HYDIN: variants seen among roughly 807,000 people sequenced by gnomAD.
The protein encoded by HYDIN is axonemal central pair apparatus protein HYDIN.
In HYDIN, 132 loss-of-function variants were observed where a neutral mutation model predicts 403.9. The observed-to-expected ratio is 0.33, with a 90% CI of 0.28 to 0.38. HYDIN has a LOEUF of 0.38. Among genes scored for constraint, HYDIN ranks in the 10% least tolerant of loss-of-function variants. HYDIN has a pLI of 1.00. For synonymous variants in HYDIN, 1,202 were observed against 1,891.7 expected, an observed-to-expected ratio of 0.64 and a Z score of 9.46; for missense variants, 2,827 against 5,009.5, an observed-to-expected ratio of 0.56 and a Z score of 13.15.
chr16:70,901,127 G>A lies in HYDIN; in HGVS notation c.8925C>T (p.His2975=). 1.1e-6 allele frequency: 1 copy of A among 890,214 alleles called. No individual in the cohort carries two copies. Among genetic ancestry groups the A allele is most frequent in the Non-Finnish European group, 1.8e-6 (1 of 556,440 alleles). 55.1% of individuals were successfully genotyped at this position (890,214 alleles called of 1,614,324 possible). A position where few individuals can be genotyped will look rare whatever the true frequency, so the allele number is the denominator to read the frequency against. ...GGGATACAGTGAAATCATCACCCAA[G>A]TGCTCCAGGCTGGTGATCCGCCAGG... ...PVAWRITSLE[H]LGDDFTVSLM... Residue 2975 remains histidine (H), a synonymous_variant, in exon 53 of 86, where the codon CAC becomes CAT. Transcript: ENST00000393567.
intron 28 of HYDIN, 69 bp from the exon 29 acceptor site, chr16:70,981,637 C>G: frequency 6.9e-7 from 1 of 1,450,350 alleles, no homozygotes; most frequent in Non-Finnish European, 9.1e-7. Context: ...CATTAAATTA[C>G]TTAAAACAAC....
intron 6 of HYDIN, among the ~76,000 whole-genome samples, chr16:71,158,685 T>G (rs1333218726): frequency 6.7e-6 from 1 of 149,812 alleles, no homozygotes; most frequent in Non-Finnish European, 1.5e-5. Context: ...GATGGTTTTT[T>G]TTTTTTTTTT....
chr16:70,971,295 C>T (rs984013118), intron 35 of HYDIN, among the ~76,000 whole-genome samples: 1 of 152,268 alleles, frequency 6.6e-6, no homozygotes, highest in African/African-American at 2.4e-5. Context: ...TGTGTATTTT[C>T]CCAGAGTTTG....
chr16:70,834,868 A>C (rs1489825194), intron 78 of HYDIN, among the ~76,000 whole-genome samples: 1 of 143,710 alleles, frequency 7.0e-6, no homozygotes, highest in African/African-American at 2.8e-5. Flanking sequence ...AAACAAACAT[A>C]TATATATGTG....
chr16:71,026,764 CT>C (rs2080717158), intron 20 of HYDIN, among the ~76,000 whole-genome samples: 1 of 152,238 alleles, frequency 6.6e-6, no homozygotes, highest in Admixed American at 6.5e-5. Flanking sequence ...AAAGTAGAAT[CT>C]GTGACCTTAG....
intron 75 of HYDIN, among the ~76,000 whole-genome samples, chr16:70,842,311 A>G (rs1479577418): frequency 6.6e-6 from 1 of 152,084 alleles, no homozygotes; most frequent in Admixed American, 6.6e-5. Flanking sequence ...TGATTGTTGA[A>G]TTGTTTATTT....
rs753919521 is a variant in HYDIN, at chr16:70,938,571, C to A, written c.6995+43G>T. On this transcript the variant is annotated intron_variant, in intron 44 of 85. Coordinates refer to ENST00000393567, the MANE Select transcript of HYDIN (RefSeq NM_001270974.2). Reference sequence around the variant, plus strand: ...GTCCTGGTCACTCTGTGGGGACGGTCCCGGGGGAATGGCTTCTGCTCTGGC... The same window carrying A: ...GTCCTGGTCACTCTGTGGGGACGGTACCGGGGGAATGGCTTCTGCTCTGGC... 25 of 1,359,574 alleles carry A rather than the reference C, an allele frequency of 1.8e-5. No homozygotes were observed. The East Asian group carries it at 5.0e-4, about 27-fold the overall frequency. 84.2% of individuals were successfully genotyped at this position (1,359,574 alleles called of 1,614,324 possible).
chr16:70,865,440 C>T (rs2039689275), intron 67 of HYDIN: 3 of 377,274 alleles, frequency 8.0e-6, no homozygotes, highest in Non-Finnish European at 1.1e-5. Flanking sequence ...GAAGGCAGGG[C>T]CCATGGCATC....
At position 71,190,102 on chromosome 16, in the gene HYDIN, T is replaced by C. The variant is rs1457323544; in HGVS notation, c.-23-3184A>G. Among the ~76,000 whole-genome samples, 6 of 152,252 alleles carry C rather than the reference T, an allele frequency of 3.9e-5. No individual in the cohort carries two copies. In the East Asian group the frequency reaches 1.2e-3, roughly 29 times the overall value. ...TGAAAAAGCCCATAAGCAATGAAAG[T>C]CCGGTGGCAATGACAGCGCAGAGAC... On this transcript the variant is annotated intron_variant, in intron 1 of 85. Coordinates refer to ENST00000393567, the MANE Select transcript of HYDIN (RefSeq NM_001270974.2).
At chr16:70,870,110 C>A (rs982840103) in intron 65 of HYDIN, among the ~76,000 whole-genome samples, 5 of 152,022 alleles carry the variant, frequency 3.3e-5, no homozygotes, top group Non-Finnish European at 7.4e-5. Flanking sequence ...TTTAGGTTAT[C>A]TGGCATAAAA....
chr16:71,080,831 G>C (rs1035998709), intron 12 of HYDIN: 6 of 149,020 alleles, frequency 4.0e-5, no homozygotes, highest in African/African-American at 1.5e-4. Flanking sequence ...GTAATCACAA[G>C]GGTGATTTTA....
intron 45 of HYDIN, among the ~76,000 whole-genome samples, chr16:70,934,889 G>A (rs1305562434): frequency 2.0e-5 from 3 of 152,152 alleles, no homozygotes; most frequent in African/African-American, 7.2e-5. Flanking sequence ...CACCAGTGAT[G>A]GAGTCAGTGG....
At chr16:71,079,112 G>A (rs1244331620) in intron 13 of HYDIN, among the ~76,000 whole-genome samples, 1 of 151,482 alleles carries the variant, frequency 6.6e-6, no homozygotes, top group Non-Finnish European at 1.5e-5. Flanking sequence ...TGAGTATGAC[G>A]GCTAAGGTTA....
In HYDIN at chr16:70,901,127, G is replaced by C. The variant is rs1178840614; in HGVS notation, c.8925C>G (p.His2975Gln). ...GGGATACAGTGAAATCATCACCCAA[G>C]TGCTCCAGGCTGGTGATCCGCCAGG... ...PVAWRITSLE[H>Q]LGDDFTVSLM... Residue 2975 changes from histidine to glutamine, a missense_variant, in exon 53 of 86, where the codon CAC (histidine) becomes CAG (glutamine). Transcript: ENST00000393567. 2.2e-6 allele frequency: 2 copies of C among 890,214 alleles called. No homozygotes were observed. Among genetic ancestry groups the C allele is most frequent in the East Asian group, 5.0e-5 (2 of 39,984 alleles). 55.1% of individuals were successfully genotyped at this position (890,214 alleles called of 1,614,324 possible). A position where few individuals can be genotyped will look rare whatever the true frequency, so the allele number is the denominator to read the frequency against.
rs1460349317 is a variant in HYDIN at position 70,891,270 on chromosome 16, C to T, written c.9656+376G>A. ...GTGGCGCGATCTCGGCTCACTGCAA[C>T]CTCCGCCTCTCAGGTTCAAGCGATT... On this transcript the variant is annotated intron_variant, in intron 57 of 85. Transcript: ENST00000393567. 2.0e-5 allele frequency among the ~76,000 whole-genome samples: 3 copies of T among 152,212 alleles called. No individual in the cohort carries two copies. In the South Asian group the frequency reaches 6.2e-4, roughly 32 times the overall value.
chr16:70,806,507 G>A lies in HYDIN; in HGVS notation c.*1073C>T, dbSNP rs1221102119. ...CACCTACAGACTTTTTGATTCAGTC[G>A]ATCTGACATGGGGACTGAGAGTTTG... On this transcript the variant is annotated 3_prime_UTR_variant, in exon 86 of 86. Coordinates refer to ENST00000393567, the MANE Select transcript of HYDIN (RefSeq NM_001270974.2). Among the ~76,000 whole-genome samples, 1 of 152,132 alleles carries A rather than the reference G, an allele frequency of 6.6e-6. No individual in the cohort carries two copies. The highest frequency in any genetic ancestry group is 1.5e-5 in the Non-Finnish European group (1 of 68,024).
intron 1 of HYDIN, among the ~76,000 whole-genome samples, chr16:71,202,321 A>G (rs2088060591): frequency 3.9e-5 from 6 of 152,212 alleles, no homozygotes; most frequent in Non-Finnish European, 1.5e-5. Flanking sequence ...CAAATTCTTA[A>G]ACAAATACAC....
chr16:70,904,078 A>G lies in HYDIN; in HGVS notation c.8517-14T>C, dbSNP rs2076462576. 2 of 1,597,028 alleles carry G rather than the reference A, an allele frequency of 1.3e-6. No homozygotes were observed. The highest frequency in any genetic ancestry group is 3.1e-5 in the African/African-American group (2 of 63,992). On this transcript the variant is annotated splice_polypyrimidine_tract_variant and intron_variant, in intron 50 of 85. Transcript: ENST00000393567. ...GATGACTTGTACCTGGGGATGAACA[A>G]GAATGGGGTTAACGGTATGAAGACT...
intron 23 of HYDIN, among the ~76,000 whole-genome samples, chr16:71,009,386 C>T (rs1290772914): frequency 6.9e-6 from 1 of 144,574 alleles, no homozygotes; most frequent in African/African-American, 2.6e-5. Context: ...TTTTTCTTTT[C>T]TTTTTTTTTT....
Sources: gnomAD v4.1 joint callset for allele counts (sites outside exome capture counted in the v4.1 genomes callset) on GRCh38, gnomAD v4.1.1 for gene constraint, MANE v1.5 for transcripts, NCBI Gene and HGNC (gene_info 2026-07-23, HGNC 2026-07-21) for gene names.